CALN1: variants seen among roughly 807,000 people sequenced by gnomAD.
The protein encoded by CALN1 is calcium-binding protein 8.
In CALN1, 17 loss-of-function variants were observed where a neutral mutation model predicts 30.6. The observed-to-expected ratio is 0.56, with a 90% confidence interval of 0.38 to 0.83. The LOEUF is 0.83. CALN1 is among the 40% of genes least tolerant of loss of function. The pLI is 0.00. For synonymous variants in CALN1, 156 were observed against 131.4 expected (o/e 1.19, Z -1.28); for missense variants, 291 against 354.9 (o/e 0.82, Z 1.45).
chr7:72,136,304 T>C (rs1809508524), intron 3 of CALN1, among the ~76,000 whole-genome samples: 1 of 152,190 alleles, frequency 6.6e-6, no homozygotes, highest in Non-Finnish European at 1.5e-5. Flanking sequence ...CTTGTACTTT[T>C]ATATTATGGA....
intron 2 of CALN1, among the ~76,000 whole-genome samples, chr7:72,372,345 T>C (rs770827765): frequency 5.3e-5 from 8 of 152,148 alleles, no homozygotes; most frequent in Non-Finnish European, 1.2e-4. Context: ...TCTGTGTTTC[T>C]GCCCTCTGTC....
At chr7:72,345,899 G>A (rs988836874) in intron 2 of CALN1, among the ~76,000 whole-genome samples, 1 of 152,212 alleles carries the variant, frequency 6.6e-6, no homozygotes, top group Non-Finnish European at 1.5e-5. Flanking sequence ...TAAATATAAC[G>A]TGGCATTTAA....
intron 2 of CALN1, among the ~76,000 whole-genome samples, chr7:72,393,848 C>T (rs576707994): frequency 6.6e-6 from 1 of 151,974 alleles, no homozygotes; most frequent in East Asian, 1.9e-4. Context: ...TTCCCAGGCC[C>T]AAGCAATCCC....
At chr7:72,378,115 C>T (rs1445345859) in intron 2 of CALN1, among the ~76,000 whole-genome samples, 1 of 152,156 alleles carries the variant, frequency 6.6e-6, no homozygotes, top group Non-Finnish European at 1.5e-5. Context: ...CAACTAACAA[C>T]CCCTGGTAGT....
Position 71,830,474 on chromosome 7 carries a change from A to C in CALN1, c.502-19982T>G, listed in dbSNP as rs149480059. ...GCAATTTTCCTGCCTCAGCCTCCTGAATGGCTGGAAGTACAGGTGCCCACC... is the reference window on the plus strand; with the variant it reads ...GCAATTTTCCTGCCTCAGCCTCCTGCATGGCTGGAAGTACAGGTGCCCACC... On this transcript the variant is annotated intron_variant, in intron 5 of 6. Coordinates refer to ENST00000395275, the MANE Select transcript of CALN1 (RefSeq NM_031468.4). Among the ~76,000 whole-genome samples the C allele has an allele frequency of 5.6e-3, 847 of 152,004 alleles. 3 individuals carry two copies. The highest frequency in any genetic ancestry group is 9.4e-3 in the Non-Finnish European group (640 of 67,984).
In CALN1 at chr7:72,045,587, GAC is replaced by G. The variant is rs370307263; in HGVS notation, c.389-21820_389-21819del. Among the ~76,000 whole-genome samples the G allele has an allele frequency of 1.7e-3, 262 of 152,216 alleles. 2 individuals are homozygous for G. Among genetic ancestry groups the G allele is most frequent in the African/African-American group, 5.9e-3 (247 of 41,534 alleles). On this transcript the variant is annotated intron_variant, in intron 4 of 6. Coordinates refer to ENST00000395275, the MANE Select transcript of CALN1 (RefSeq NM_031468.4). Reference sequence around the variant, plus strand: ...TCTGTTGCCCAGGCTGGAGTGCAGTGACACAATCACAGCTGACTGCAGCTTCC... The same window carrying G: ...TCTGTTGCCCAGGCTGGAGTGCAGTGACAATCACAGCTGACTGCAGCTTCC...
chr7:72,283,416 T>TC (rs1377629923), intron 2 of CALN1, among the ~76,000 whole-genome samples: 1 of 152,082 alleles, frequency 6.6e-6, no homozygotes, highest in Non-Finnish European at 1.5e-5. Context: ...ACACATGTAG[T>TC]CATAGCTACT....
At chr7:71,954,559 G>C (rs1482323890) in intron 5 of CALN1, among the ~76,000 whole-genome samples, 1 of 152,232 alleles carries the variant, frequency 6.6e-6, no homozygotes, top group Non-Finnish European at 1.5e-5. Context: ...GGCTGAGGCA[G>C]GAGGACTGCA....
At chr7:71,838,763 G>A (rs186040427) in intron 5 of CALN1, among the ~76,000 whole-genome samples, 3 of 152,158 alleles carry the variant, frequency 2.0e-5, no homozygotes, top group East Asian at 1.9e-4. Context: ...GTTTTATAAG[G>A]GGCTTTTCCC....
At chr7:72,252,153 T>G (rs13225465) in intron 3 of CALN1, among the ~76,000 whole-genome samples, 19,908 of 151,972 alleles carry the variant, frequency 0.13, 1,702 homozygotes, top group East Asian at 0.42. Context: ...CTCCTGGACT[T>G]TCTTTCTCCC....
chr7:71,942,920 A>C (rs114486804), intron 5 of CALN1, among the ~76,000 whole-genome samples: 2,412 of 152,170 alleles, frequency 0.016, 54 homozygotes, highest in African/African-American at 0.056. Flanking sequence ...TCAGAAACTC[A>C]AAAGAATGTA....
chr7:72,370,388 C>G (rs896471189), intron 2 of CALN1, among the ~76,000 whole-genome samples: 1 of 152,008 alleles, frequency 6.6e-6, no homozygotes, highest in African/African-American at 2.4e-5. Context: ...GATATAAGTC[C>G]TTTATAAGAC....
At chr7:72,367,082 G>A (rs1803920970) in intron 2 of CALN1, among the ~76,000 whole-genome samples, 1 of 151,446 alleles carries the variant, frequency 6.6e-6, no homozygotes, top group Non-Finnish European at 1.5e-5. Context: ...AAGGTAGAAA[G>A]CATGCTTCAT....
intron 3 of CALN1, among the ~76,000 whole-genome samples, chr7:72,116,744 C>T (rs1417070966): frequency 2.6e-5 from 4 of 152,120 alleles, no homozygotes; most frequent in African/African-American, 4.8e-5. Context: ...CCCAGATTCA[C>T]CTTGGCCAGC....
intron 3 of CALN1, among the ~76,000 whole-genome samples, chr7:72,245,357 G>A (rs1476520783): frequency 2.6e-5 from 4 of 152,148 alleles, no homozygotes; most frequent in Admixed American, 1.3e-4. Context: ...AGTGGCTCAC[G>A]CCTATAATCC....
chr7:72,386,899 G>C lies in CALN1; in HGVS notation c.119+16352C>G, dbSNP rs1585632611. On this transcript the variant is annotated intron_variant, in intron 2 of 6. Transcript: ENST00000395275. ...TAGATACAGATGGTTACATCTAGAA[G>C]TATAGATATGTGTACATACATAGTT... Among the ~76,000 whole-genome samples the C allele has an allele frequency of 2.0e-5, 3 of 151,912 alleles. No homozygotes were observed. The South Asian group carries it at 6.3e-4, about 32-fold the overall frequency.
At chr7:72,440,782 G>A (rs1808320832) in intron 1 of CALN1, among the ~76,000 whole-genome samples, 3 of 152,128 alleles carry the variant, frequency 2.0e-5, no homozygotes, top group African/African-American at 4.8e-5. Flanking sequence ...AGCTGAGATC[G>A]CACCACTGCA....
intron 5 of CALN1, among the ~76,000 whole-genome samples, chr7:71,948,236 T>TG (rs11303400): frequency 2.6e-5 from 4 of 151,766 alleles, no homozygotes; most frequent in East Asian, 1.9e-4. Context: ...CTGTTCTGAG[T>TG]GGGGGGGAAG....
the CALN1 span, among the ~76,000 whole-genome samples, chr7:72,456,714 C>T: frequency 4.0e-5 from 6 of 151,868 alleles, no homozygotes; most frequent in Admixed American, 6.6e-5. Flanking sequence ...GGAGTGGTGG[C>T]GTGCACTTGT....
Sources: gnomAD v4.1 joint callset for allele counts (sites outside exome capture counted in the v4.1 genomes callset) on GRCh38, gnomAD v4.1.1 for gene constraint, MANE v1.5 for transcripts, NCBI Gene and HGNC (gene_info 2026-07-23, HGNC 2026-07-21) for gene names.